The following KCTD8 variants were observed in gnomAD, a reference collection of about 807,000 sequenced individuals.
The protein encoded by KCTD8 is potassium channel tetramerization domain containing 8.
Under a neutral mutation model 31.5 loss-of-function variants are expected in KCTD8, and 27 were observed. The ratio of observed to expected loss-of-function variants is 0.86; its 90% CI spans 0.63 to 1.18. The LOEUF (loss-of-function observed/expected upper bound fraction) is 1.18. Among genes scored for constraint, KCTD8 ranks in the 50% most tolerant of loss-of-function variants. The pLI, the probability that KCTD8 is intolerant of heterozygous loss-of-function variation, is 0.00. For missense variants in KCTD8, 658 were observed against 647.7 expected (o/e 1.02, Z -0.17); for synonymous variants, 290 against 280.0 (o/e 1.04, Z -0.36).
At chr4:44,391,740 A>T (rs1720380511) in intron 1 of KCTD8, among the ~76,000 whole-genome samples, 1 of 151,844 alleles carries the variant, frequency 6.6e-6, no homozygotes, top group Admixed American at 6.6e-5. Context: ...CTGCATGGGG[A>T]TTGGCACTCC....
At chr4:44,389,614 T>C (rs190184719) in intron 1 of KCTD8, among the ~76,000 whole-genome samples, 1 of 151,824 alleles carries the variant, frequency 6.6e-6, no homozygotes, top group Admixed American at 6.6e-5. Context: ...GAATAGTTGT[T>C]TAATGAGTAT....
intron 1 of KCTD8, among the ~76,000 whole-genome samples, chr4:44,358,363 G>C (rs1719400872): frequency 6.6e-6 from 1 of 152,096 alleles, no homozygotes; most frequent in South Asian, 2.1e-4. Context: ...ACATACATGT[G>C]CATGCGTCTT....
chr4:44,199,315 A>G (rs1276747758), intron 1 of KCTD8, among the ~76,000 whole-genome samples: 1 of 152,132 alleles, frequency 6.6e-6, no homozygotes, highest in Admixed American at 6.5e-5. Flanking sequence ...AGATACCTAT[A>G]GAATACTCTA....
At chr4:44,261,309 G>A (rs972669380) in intron 1 of KCTD8, among the ~76,000 whole-genome samples, 1 of 151,848 alleles carries the variant, frequency 6.6e-6, no homozygotes, top group Admixed American at 6.6e-5. Context: ...ATTTCAGTAC[G>A]GAGTTGAAAA....
chr4:44,213,180 C>T (rs369466520), intron 1 of KCTD8, among the ~76,000 whole-genome samples: 13 of 152,196 alleles, frequency 8.5e-5, no homozygotes, highest in East Asian at 1.9e-4. Context: ...TCGTGATCCG[C>T]CTGCCTCGGC....
intron 1 of KCTD8, among the ~76,000 whole-genome samples, chr4:44,415,438 T>C (rs1036467952): frequency 2.0e-5 from 3 of 152,108 alleles, no homozygotes; most frequent in African/African-American, 7.2e-5. Flanking sequence ...GGTGCTAATA[T>C]CAAAGACAAT....
intron 1 of KCTD8, among the ~76,000 whole-genome samples, chr4:44,226,385 G>A (rs1450533999): frequency 6.6e-6 from 1 of 152,080 alleles, no homozygotes; most frequent in East Asian, 1.9e-4. Context: ...CCATTGTTAT[G>A]GCTGCATAGT....
At chr4:44,426,948 T>A (rs2109474543) in intron 1 of KCTD8, among the ~76,000 whole-genome samples, 1 of 151,804 alleles carries the variant, frequency 6.6e-6, no homozygotes, top group Middle Eastern at 3.4e-3. Context: ...AAAACTGTAT[T>A]AAAATATGAT....
At chr4:44,251,835 GC>G in intron 1 of KCTD8, among the ~76,000 whole-genome samples, 1 of 151,222 alleles carries the variant, frequency 6.6e-6, no homozygotes, top group Non-Finnish European at 1.5e-5. Context: ...CTTTTGATAT[GC>G]TTTTTTTTCT....
At chr4:44,303,172 A>G (rs931676543) in intron 1 of KCTD8, among the ~76,000 whole-genome samples, 1 of 152,122 alleles carries the variant, frequency 6.6e-6, no homozygotes, top group African/African-American at 2.4e-5. Context: ...ATATTGGTCT[A>G]AAATTCTCTT....
chr4:44,206,759 G>A (rs1458862947), intron 1 of KCTD8, among the ~76,000 whole-genome samples: 1 of 152,032 alleles, frequency 6.6e-6, no homozygotes, highest in African/African-American at 2.4e-5. Flanking sequence ...TTTTGACTTG[G>A]GCTTAACCAC....
chr4:44,421,756 G>A (rs1577665473), intron 1 of KCTD8, among the ~76,000 whole-genome samples: 1 of 151,914 alleles, frequency 6.6e-6, no homozygotes, highest in Admixed American at 6.6e-5. Flanking sequence ...AAAATCCTTG[G>A]AAATAATGGG....
intron 1 of KCTD8, among the ~76,000 whole-genome samples, chr4:44,187,126 A>AC (rs1560389482): frequency 6.6e-6 from 1 of 152,164 alleles, no homozygotes; most frequent in African/African-American, 2.4e-5. Flanking sequence ...CAAAGTTCCT[A>AC]CCTTATCCCT....
At chr4:44,332,797 C>T (rs952369635) in intron 1 of KCTD8, among the ~76,000 whole-genome samples, 3 of 151,936 alleles carry the variant, frequency 2.0e-5, no homozygotes, top group African/African-American at 7.2e-5. Flanking sequence ...CCATATATCA[C>T]ATATGTTCCA....
At chr4:44,268,546 C>A (rs915189396) in intron 1 of KCTD8, among the ~76,000 whole-genome samples, 1 of 151,980 alleles carries the variant, frequency 6.6e-6, no homozygotes, top group African/African-American at 2.4e-5. Context: ...CTGGCCAGGG[C>A]AATTAGGCAG....
rs538643316 is a variant in KCTD8 at position 44,378,228 on chromosome 4, TA to T, written c.961+69334del. 1.0e-3 allele frequency among the ~76,000 whole-genome samples: 130 copies of T among 125,110 alleles called. 2 individuals carry two copies. In the South Asian group the frequency reaches 0.031, roughly 29 times the overall value. 82.1% of individuals were successfully genotyped at this position (125,110 alleles called of 152,430 possible). ...TATATATGTATGTATATTTTATATA[TA>T]TATGTATAAATATATATATATATAT... On this transcript the variant is annotated intron_variant, in intron 1 of 1. Coordinates refer to ENST00000360029, the MANE Select transcript of KCTD8 (RefSeq NM_198353.3).
Position 44,230,553 on chromosome 4 carries a change from G to A in KCTD8, c.962-55303C>T, listed in dbSNP as rs183436116. Among the ~76,000 whole-genome samples, 26 of 152,276 alleles carry A rather than the reference G, an allele frequency of 1.7e-4. No homozygotes were observed. The East Asian group carries it at 4.8e-3, about 28-fold the overall frequency. ...TCTTTTTTACAAAGCCATGTGACAA[G>A]TAGTATTATTTACAAGGTATTTTAC... On this transcript the variant is annotated intron_variant, in intron 1 of 1. Transcript: ENST00000360029.
chr4:44,250,101 T>C (rs1577575007), intron 1 of KCTD8, among the ~76,000 whole-genome samples: 1 of 151,816 alleles, frequency 6.6e-6, no homozygotes, highest in Non-Finnish European at 1.5e-5. Flanking sequence ...CTGGACATCT[T>C]TGTATACTTG....
chr4:44,293,619 T>C (rs1717342321), intron 1 of KCTD8: 1 of 321,184 alleles, frequency 3.1e-6, no homozygotes, highest in Admixed American at 4.4e-5. Context: ...TAGTCTTTAA[T>C]TTTTTTTTTC....
Sources: gnomAD v4.1 joint callset for allele counts (sites outside exome capture counted in the v4.1 genomes callset) on GRCh38, gnomAD v4.1.1 for gene constraint, MANE v1.5 for transcripts, NCBI Gene and HGNC (gene_info 2026-07-23, HGNC 2026-07-21) for gene names.